Variants in SNTG2 observed in about 807,000 individuals in gnomAD.
The protein encoded by SNTG2 is gamma-2-syntrophin.
A neutral mutation model predicts 70.9 loss-of-function variants in SNTG2; 74 were observed. The ratio of observed to expected loss-of-function variants is 1.04; its 90% CI spans 0.86 to 1.27. The LOEUF (loss-of-function observed/expected upper bound fraction) is 1.27, where lower values mean the gene tolerates loss of function less well. Ranked by LOEUF, SNTG2 falls within the 50% of genes most tolerant of loss-of-function variation. SNTG2 has a pLI of 0.00. For missense variants in SNTG2, 717 were observed against 690.7 expected (o/e 1.04, Z -0.43); for synonymous variants, 278 against 273.8 (o/e 1.02, Z -0.15).
Position 1,126,214 on chromosome 2 carries a change from G to A in SNTG2, c.326-11408G>A, listed in dbSNP as rs548008005. Among the ~76,000 whole-genome samples the A allele has an allele frequency of 2.0e-4, 30 of 152,070 alleles. 3 individuals carry two copies. Among genetic ancestry groups the A allele is most frequent in the African/African-American group, 6.7e-4 (28 of 41,488 alleles). On this transcript the variant is annotated intron_variant, in intron 4 of 16. Transcript: ENST00000308624. ...CCTTAGTTCTATGAGACCAGCTTCC[G>A]CATATGAGTGAGAACATGCAGTGTT...
chr2:1,156,779 C>A (rs1179931080), intron 6 of SNTG2, among the ~76,000 whole-genome samples: 4 of 152,038 alleles, frequency 2.6e-5, no homozygotes, highest in African/African-American at 9.7e-5. Flanking sequence ...GGTGGCTGAG[C>A]CCTGCCTGCG....
chr2:1,321,521 G>T (rs1558206307), intron 16 of SNTG2, among the ~76,000 whole-genome samples: 1 of 152,164 alleles, frequency 6.6e-6, no homozygotes, highest in Non-Finnish European at 1.5e-5. Flanking sequence ...CTGATACTGA[G>T]ACCTGGCTGC....
At chr2:1,008,279 AC>A (rs1558307459) in intron 1 of SNTG2, among the ~76,000 whole-genome samples, 1 of 152,188 alleles carries the variant, frequency 6.6e-6, no homozygotes, top group East Asian at 1.9e-4. Context: ...TGTGTTTGTA[AC>A]ACTCACCATT....
At chr2:1,320,257 G>A (rs1021876378) in intron 16 of SNTG2, among the ~76,000 whole-genome samples, 5 of 151,986 alleles carry the variant, frequency 3.3e-5, no homozygotes, top group Non-Finnish European at 4.4e-5. Flanking sequence ...AGAATTGGCC[G>A]GGCATGGTGG....
At chr2:992,196 A>G (rs558600871) in intron 1 of SNTG2, among the ~76,000 whole-genome samples, 1 of 152,298 alleles carries the variant, frequency 6.6e-6, no homozygotes, top group African/African-American at 2.4e-5. Flanking sequence ...TTTGTAAAGC[A>G]AAAAGGTACA....
At chr2:1,153,984 A>G (rs752521677) in intron 6 of SNTG2, among the ~76,000 whole-genome samples, 56 of 152,366 alleles carry the variant, frequency 3.7e-4, no homozygotes, top group Non-Finnish European at 6.6e-4. Context: ...GGAACCAGCT[A>G]TGAAATACAA....
At chr2:1,105,277 AG>A (rs71659263) in intron 4 of SNTG2, among the ~76,000 whole-genome samples, 25,537 of 152,068 alleles carry the variant, frequency 0.17, 2,361 homozygotes, top group African/African-American at 0.23. Context: ...TGCCATGCAG[AG>A]GGTCTTGGCT....
At chr2:1,104,815 C>A (rs1222021787) in intron 4 of SNTG2, among the ~76,000 whole-genome samples, 2 of 152,202 alleles carry the variant, frequency 1.3e-5, no homozygotes, top group Non-Finnish European at 2.9e-5. Context: ...CTCCCAGTAT[C>A]TTTCCGTCCT....
At chr2:1,174,462 T>C (rs1035009329) in intron 8 of SNTG2, among the ~76,000 whole-genome samples, 3 of 152,222 alleles carry the variant, frequency 2.0e-5, no homozygotes, top group African/African-American at 7.2e-5. Flanking sequence ...GTGGACACTT[T>C]GCCTTTGTTT....
At chr2:1,205,187 G>A (rs1673556107) in intron 8 of SNTG2, among the ~76,000 whole-genome samples, 1 of 152,110 alleles carries the variant, frequency 6.6e-6, no homozygotes, top group Non-Finnish European at 1.5e-5. Flanking sequence ...CATGCCTTGA[G>A]GAGGCAAAAA....
In SNTG2 at chr2:950,975, G is replaced by A. The variant is rs1162263397; in HGVS notation, c.-22G>A. The A allele has an allele frequency of 8.2e-7, 1 of 1,216,638 alleles. No homozygotes were observed. 75.4% of individuals were successfully genotyped at this position (1,216,638 alleles called of 1,614,324 possible). ...GTTGAGCTCGGCCGGCCCGGAGCGC[G>A]GACCCAGCCGCAGGGGCGGCGATGG... is the stretch of plus-strand genomic sequence containing the variant. On this transcript the variant is annotated 5_prime_UTR_variant, in exon 1 of 17. Coordinates refer to ENST00000308624, the MANE Select transcript of SNTG2 (RefSeq NM_018968.4).
At chr2:1,171,705 C>T (rs1671135499) in intron 7 of SNTG2, among the ~76,000 whole-genome samples, 2 of 152,100 alleles carry the variant, frequency 1.3e-5, no homozygotes, top group Admixed American at 1.3e-4. Flanking sequence ...TTCTTATTTC[C>T]CCCAGAGTTC....
At chr2:990,351 G>A (rs753927995) in intron 1 of SNTG2, among the ~76,000 whole-genome samples, 6 of 152,140 alleles carry the variant, frequency 3.9e-5, no homozygotes, top group Non-Finnish European at 8.8e-5. Context: ...CCACAGACCT[G>A]GTGGCTTCAA....
intron 4 of SNTG2, among the ~76,000 whole-genome samples, chr2:1,119,449 CAG>C (rs1667243515): frequency 1.3e-5 from 2 of 151,752 alleles, no homozygotes; most frequent in African/African-American, 4.8e-5. Flanking sequence ...AAAGTCAAAA[CAG>C]TAAAACTAAG....
At chr2:1,001,804 C>G (rs1336866668) in intron 1 of SNTG2, among the ~76,000 whole-genome samples, 1 of 151,936 alleles carries the variant, frequency 6.6e-6, no homozygotes, top group African/African-American at 2.4e-5. Context: ...GGCTGAATAG[C>G]CAAGCAGTTC....
At chr2:1,342,251 G>A (rs1660148417) in intron 16 of SNTG2, among the ~76,000 whole-genome samples, 2 of 152,310 alleles carry the variant, frequency 1.3e-5, no homozygotes, top group African/African-American at 4.8e-5. Flanking sequence ...TGTCTCTTGA[G>A]GGTCCTACAT....
chr2:1,126,165 A>G (rs1384784391), intron 4 of SNTG2, among the ~76,000 whole-genome samples: 3 of 152,032 alleles, frequency 2.0e-5, no homozygotes, highest in Admixed American at 6.6e-5. Flanking sequence ...CCCCTTCCCA[A>G]CATCTAGTAA....
intron 4 of SNTG2, among the ~76,000 whole-genome samples, chr2:1,122,282 A>G (rs1458558635): frequency 6.6e-6 from 1 of 152,220 alleles, no homozygotes; most frequent in Non-Finnish European, 1.5e-5. Context: ...GTGACACCTA[A>G]GCTGAACAAA....
At chr2:1,231,043 A>G (rs754530938) in intron 9 of SNTG2, among the ~76,000 whole-genome samples, 5 of 150,738 alleles carry the variant, frequency 3.3e-5, no homozygotes, top group Non-Finnish European at 7.4e-5. Context: ...CCTCTTCCAT[A>G]GGGTCACTGC....
Sources: gnomAD v4.1 joint callset for allele counts (sites outside exome capture counted in the v4.1 genomes callset) on GRCh38, gnomAD v4.1.1 for gene constraint, MANE v1.5 for transcripts, NCBI Gene and HGNC (gene_info 2026-07-23, HGNC 2026-07-21) for gene names.